The following RGL3 variants were observed in gnomAD, a reference collection of about 807,000 sequenced individuals.
The protein encoded by RGL3 is ral guanine nucleotide dissociation stimulator-like 3.
In RGL3, 85 loss-of-function variants were observed where a neutral mutation model predicts 90.6. The observed-to-expected ratio is 0.94, with a 90% CI of 0.79 to 1.12. The LOEUF is 1.12. RGL3 is among the 50% of genes most tolerant of loss of function. The pLI, the probability that RGL3 is intolerant of heterozygous loss-of-function variation, is 0.00. For missense variants in RGL3, 1,034 were observed against 939.2 expected, an observed-to-expected ratio of 1.10 and a Z score of -1.32; for synonymous variants, 408 against 385.5, an observed-to-expected ratio of 1.06 and a Z score of -0.68.
intron 4 of RGL3, 34 bp from the exon 5 acceptor site, chr19:11,416,182 C>G (rs764849696): frequency 7.0e-7 from 1 of 1,429,900 alleles, no homozygotes; most frequent in Admixed American, 2.6e-5. Context: ...GAGCTGGGTC[C>G]AGAGTGGGGG....
chr19:11,402,832 G>A (rs1599433209), intron 9 of RGL3, 126 bp from the exon 10 acceptor site: 1 of 806,144 alleles, frequency 1.2e-6, no homozygotes, highest in East Asian at 2.6e-5. Flanking sequence ...GGTAGGCCAG[G>A]TGCGATGGCT....
rs34791851 is a variant in RGL3, at chr19:11,396,369, CA to C, written c.2014+874del. On this transcript the variant is annotated intron_variant, in intron 18 of 18. Coordinates refer to ENST00000380456, the MANE Select transcript of RGL3 (RefSeq NM_001035223.4). ...ATTTTTAGTAGAGACGGGGCTTCAC[CA>C]TGTTGGCCAGGCTGGTCTCGAACTC... Among the ~76,000 whole-genome samples the C allele has an allele frequency of 8.8e-3, 1,326 of 150,518 alleles. 20 individuals are homozygous for C. Among genetic ancestry groups the C allele is most frequent in the East Asian group, 0.059 (298 of 5,070 alleles).
At chr19:11,399,371 C>T (rs964668596) in intron 16 of RGL3, among the ~76,000 whole-genome samples, 2 of 151,972 alleles carry the variant, frequency 1.3e-5, no homozygotes, top group Non-Finnish European at 2.9e-5. Context: ...GTTCGAAACC[C>T]ACCTGGGCAA....
chr19:11,397,248 G>C lies in RGL3; in HGVS notation c.2010C>G (p.Asp670Glu), dbSNP rs369804110. ...DYQLFQVLPG[D>E]RVLLIPDNAN... ...CTCCAACCCATCCCTGCTCACCCCG[G>C]TCCCCAGGAAGGACTTGAAAGAGCT... Residue 670 changes from aspartate (D) to glutamate (E), a missense_variant, in exon 18 of 19, where the codon GAC becomes GAG. By Grantham distance (45) the Asp-to-Glu change is conservative. Coordinates refer to ENST00000380456, the MANE Select transcript of RGL3 (RefSeq NM_001035223.4). The C allele has an allele frequency of 1.2e-6, 2 of 1,613,542 alleles. No individual in the cohort carries two copies. Among genetic ancestry groups the C allele is most frequent in the Non-Finnish European group, 1.7e-6 (2 of 1,179,768 alleles).
rs1444427093 is a variant in RGL3 at position 11,409,959 on chromosome 19, G to A, written c.638-3095C>T. Among the ~76,000 whole-genome samples the A allele has an allele frequency of 2.3e-3, 354 of 151,580 alleles. 2 individuals carry two copies. The highest frequency in any genetic ancestry group is 4.0e-3 in the Non-Finnish European group (270 of 67,876). ...ATTTTATTTTATTTTTTTATTTTGTGATGGAGTCTTGCTCTGTCGCCCAGG... is the reference window on the plus strand; with the variant it reads ...ATTTTATTTTATTTTTTTATTTTGTAATGGAGTCTTGCTCTGTCGCCCAGG... On this transcript the variant is annotated intron_variant, in intron 5 of 18. Coordinates refer to ENST00000380456, the MANE Select transcript of RGL3 (RefSeq NM_001035223.4).
In RGL3 at chr19:11,418,562, C is replaced by T. The variant is rs770002465; in HGVS notation, c.147+109G>A. The T allele has an allele frequency of 1.8e-4, 157 of 854,378 alleles. 1 individual carries two copies. Among genetic ancestry groups the T allele is most frequent in the Non-Finnish European group, 9.0e-5 (51 of 565,854 alleles). 52.9% of individuals were successfully genotyped at this position (854,378 alleles called of 1,614,324 possible). A position where few individuals can be genotyped will look rare whatever the true frequency, so the allele number is the denominator to read the frequency against. On this transcript the variant is annotated intron_variant, in intron 2 of 18. Transcript: ENST00000380456. Reference sequence around the variant, plus strand: ...TCGCCTCATCTGGTCGCCTCCGAGCCCCTCCCTTCCTTCCGCCCACTGCAC... The same window carrying T: ...TCGCCTCATCTGGTCGCCTCCGAGCTCCTCCCTTCCTTCCGCCCACTGCAC...
intron 13 of RGL3, among the ~76,000 whole-genome samples, chr19:11,401,228 T>G (rs891361706): frequency 8.0e-6 from 1 of 124,706 alleles, no homozygotes; most frequent in Non-Finnish European, 1.6e-5. Context: ...TTGTGACTAT[T>G]TTTTTTTTTT....
At chr19:11,409,787 C>A (rs910804127) in intron 5 of RGL3, among the ~76,000 whole-genome samples, 1 of 152,166 alleles carries the variant, frequency 6.6e-6, no homozygotes, top group South Asian at 2.1e-4. Flanking sequence ...TCTACTGTGA[C>A]GCTAGGACAG....
chr19:11,398,845 A>G (rs1968621965), intron 16 of RGL3, among the ~76,000 whole-genome samples: 2 of 150,062 alleles, frequency 1.3e-5, no homozygotes, highest in Admixed American at 1.3e-4. Context: ...TAATTTTTCT[A>G]TTTTCAGTAG....
At chr19:11,404,543 GAAAC>G (rs1484880433) in intron 9 of RGL3, among the ~76,000 whole-genome samples, 3 of 151,458 alleles carry the variant, frequency 2.0e-5, no homozygotes, top group Non-Finnish European at 2.9e-5. Context: ...AACAAACAAA[GAAAC>G]AAAAAAACAA....
At chr19:11,413,309 G>A (rs1285078479) in intron 5 of RGL3, among the ~76,000 whole-genome samples, 1 of 151,776 alleles carries the variant, frequency 6.6e-6, no homozygotes, top group Non-Finnish European at 1.5e-5. Flanking sequence ...ACCGAGGTGG[G>A]TGGATCACCT....
chr19:11,416,037 G>A lies in RGL3; in HGVS notation c.537C>T (p.Ala179=), dbSNP rs1968988181. The A allele has an allele frequency of 2.5e-6, 4 of 1,613,866 alleles. No individual in the cohort carries two copies. The East Asian group carries it at 6.7e-5, about 27-fold the overall frequency. ...CTTTTTGAGCCTCAGCACTCCCTGG[G>A]GCCGCCCAGCCCAGAAAGGTTCGGA... ...GSVRTFLGWA[A]PGSAEAQKAE... Residue 179 remains alanine, a synonymous_variant, in exon 5 of 19, where the codon GCC becomes GCT. Coordinates refer to ENST00000380456, the MANE Select transcript of RGL3 (RefSeq NM_001035223.4).
intron 5 of RGL3, among the ~76,000 whole-genome samples, chr19:11,410,132 ATTAT>A (rs1968848146): frequency 6.7e-6 from 1 of 149,010 alleles, no homozygotes; most frequent in African/African-American, 2.4e-5. Context: ...ATATTTTTTT[ATTAT>A]TTATTTATTT....
chr19:11,405,331 T>G lies in RGL3; in HGVS notation c.1092A>C (p.Ala364=), dbSNP rs10416704. Residue 364 remains alanine, a synonymous_variant, in exon 8 of 19, where the codon GCA becomes GCC. Transcript: ENST00000380456. ...GTCCCGCCCCAGCTCACCGGCTCAC[T>G]GCCCCCCAGCTGCGCTTGAGCCGGT... The part of the protein sequence containing the change: ...PIYRLKRSWG[A]VSREPLSTFR... 0.11 allele frequency: 171,162 copies of G among 1,612,678 alleles called. 15,332 individuals are homozygous for G. The highest frequency in any genetic ancestry group is 0.46 in the African/African-American group (34,473 of 74,772).
At chr19:11,417,163 T>C (rs2144744474) in intron 2 of RGL3, 104 bp from the exon 3 acceptor site, 4 of 936,890 alleles carry the variant, frequency 4.3e-6, no homozygotes, top group Middle Eastern at 2.9e-4. Context: ...TTTTTGTTTT[T>C]TTTTTTGAGA....
Position 11,405,205 on chromosome 19 carries a change from A to G in RGL3, c.1127T>C (p.Leu376Pro), listed in dbSNP as rs1232433211. ...GTTCTCATCGGAGAAAATCTGCGAA[A>G]GTTTCCTGAAAGTAGATAGCGGTTC... ...SREPLSTFRK[L>P]SQIFSDENNH... is the part of the protein sequence containing the mutation. The change falls in exon 9 of 19, where the codon CTT (leucine) becomes CCT (proline). Residue 376 changes from leucine to proline, a missense_variant. Coordinates refer to ENST00000380456, the MANE Select transcript of RGL3 (RefSeq NM_001035223.4). 2 of 1,614,146 alleles carry G rather than the reference A, an allele frequency of 1.2e-6. No individual in the cohort carries two copies. Among genetic ancestry groups the G allele is most frequent in the Non-Finnish European group, 1.7e-6 (2 of 1,180,016 alleles).
At chr19:11,415,449 T>C (rs1968976092) in intron 5 of RGL3, among the ~76,000 whole-genome samples, 1 of 151,874 alleles carries the variant, frequency 6.6e-6, no homozygotes, top group African/African-American at 2.4e-5. Context: ...GGAAAAGTAT[T>C]AGACACATGC....
At position 11,405,133 on chromosome 19, in the gene RGL3, G is replaced by A. The variant is rs1568337974; in HGVS notation, c.1185+14C>T. The A allele has an allele frequency of 1.2e-6, 2 of 1,610,760 alleles. No individual in the cohort carries two copies. Among genetic ancestry groups the A allele is most frequent in the South Asian group, 1.1e-5 (1 of 91,006 alleles). ...CCCGGGCCTAAAATCCCTGGAGTCT[G>A]CATCCATCTCTACCTGGAAAAGAAT... On this transcript the variant is annotated intron_variant, in intron 9 of 18. Transcript: ENST00000380456.
intron 18 of RGL3, among the ~76,000 whole-genome samples, chr19:11,395,928 CCT>C (rs946609159): frequency 4.1e-5 from 6 of 145,260 alleles, no homozygotes; most frequent in African/African-American, 1.3e-4. Context: ...TGCCCGGCCC[CCT>C]TTTTTTTTTT....
Sources: allele counts gnomAD v4.1 joint callset (sites outside exome capture counted in the v4.1 genomes callset), GRCh38; gene constraint gnomAD v4.1.1; transcripts MANE v1.5; gene names NCBI Gene and HGNC (gene_info 2026-07-23, HGNC 2026-07-21).